Variants in OPN5 observed in about 807,000 individuals in gnomAD.
OPN5 encodes the protein opsin-5.
Under a neutral mutation model 41.7 loss-of-function variants are expected in OPN5, and 18 were observed. That is an observed-to-expected ratio of 0.43 (90% CI 0.30 to 0.64). The LOEUF (loss-of-function observed/expected upper bound fraction) is 0.64, where lower values mean the gene tolerates loss of function less well. Ranked by LOEUF, OPN5 falls within the 30% of genes least tolerant of loss-of-function variation. OPN5 has a pLI of 0.13. For missense variants in OPN5, 318 were observed against 434.5 expected (o/e 0.73, Z 2.38); for synonymous variants, 178 against 164.3 (o/e 1.08, Z -0.64).
chr6:47,800,292 G>C (rs1773718922), intron 4 of OPN5, among the ~76,000 whole-genome samples: 2 of 152,152 alleles, frequency 1.3e-5, no homozygotes, highest in African/African-American at 4.8e-5. Flanking sequence ...TATCTCAAAG[G>C]CTGTTTGGGT....
chr6:47,808,490 A>C (rs1164049576), intron 5 of OPN5, 95 bp downstream of exon 5: 1 of 1,368,938 alleles, frequency 7.3e-7, no homozygotes, highest in Middle Eastern at 2.0e-4. Context: ...CTTAGGGTTA[A>C]AGCTCATCGC....
rs139988934 is a variant in OPN5, at chr6:47,796,109, G to A, written c.756+546G>A. ...AGTACCTTGGTAAACGGTAGTTTCA[G>A]AGGTGACAGTTCTTTAGGTATTGTG... is the stretch of plus-strand genomic sequence containing the variant. On this transcript the variant is annotated intron_variant, in intron 4 of 6. Transcript: ENST00000371211. 2.7e-3 allele frequency among the ~76,000 whole-genome samples: 408 copies of A among 152,226 alleles called. 2 individuals are homozygous for A. Among genetic ancestry groups the A allele is most frequent in the African/African-American group, 9.3e-3 (386 of 41,520 alleles).
At chr6:47,824,022 A>C in exon 7 of OPN5, 1 of 1,535,734 alleles carries the variant, frequency 6.5e-7, no homozygotes, top group Non-Finnish European at 8.8e-7. Flanking sequence ...AGTGCATCTG[A>C]AGTGCTTACA....
At chr6:47,787,953 A>G (rs935828043) in intron 2 of OPN5, among the ~76,000 whole-genome samples, 56 of 152,152 alleles carry the variant, frequency 3.7e-4, no homozygotes, top group African/African-American at 1.3e-3. Context: ...TTTTCTGCCG[A>G]TCTCTAAAAA....
chr6:47,783,080 T>C (rs1773122559), intron 1 of OPN5, among the ~76,000 whole-genome samples: 2 of 152,082 alleles, frequency 1.3e-5, no homozygotes, highest in Non-Finnish European at 2.9e-5. Flanking sequence ...TTGTAAATTT[T>C]TACTTTGTTT....
intron 2 of OPN5, 39 bp from the exon 3 acceptor site, chr6:47,791,761 AAC>A: frequency 6.3e-7 from 1 of 1,596,790 alleles, no homozygotes; most frequent in Non-Finnish European, 8.6e-7. Flanking sequence ...GGGAAATAGT[AAC>A]CAGAGGAACG....
rs969155255 is a variant in OPN5, at chr6:47,794,624, G to C, written c.422-605G>C. ...ATGATGCAACCTACCTAGATTCTCT[G>C]CCTCTCCCGCTGTGGCTGTGTGAGC... On this transcript the variant is annotated intron_variant, in intron 3 of 6. Transcript: ENST00000371211. The C allele has an allele frequency of 1.3e-5, 2 of 152,182 alleles. 1 individual carries two copies. Among genetic ancestry groups the C allele is most frequent in the Non-Finnish European group, 2.9e-5 (2 of 68,044 alleles). The allele number at this position is 152,182 out of a possible 1,614,324, so 9.4% of individuals were successfully genotyped here. A position where few individuals can be genotyped will look rare whatever the true frequency, so the allele number is the denominator to read the frequency against.
chr6:47,782,619 C>G (rs1462013782), intron 1 of OPN5, among the ~76,000 whole-genome samples: 1 of 152,184 alleles, frequency 6.6e-6, no homozygotes, highest in African/African-American at 2.4e-5. Flanking sequence ...GTTCTCACAA[C>G]TGTGCAAAAC....
intron 4 of OPN5, among the ~76,000 whole-genome samples, chr6:47,806,947 C>T (rs571124919): frequency 1.3e-5 from 2 of 152,262 alleles, no homozygotes; most frequent in South Asian, 2.1e-4. Context: ...CACCTAAGGT[C>T]GGGAGTTCGA....
chr6:47,808,369 C>G lies in OPN5; in HGVS notation c.972C>G (p.Thr324=). Residue 324 remains threonine (T), a synonymous_variant, in exon 5 of 7, where the codon ACC becomes ACG. Transcript: ENST00000371211. The stretch of plus-strand genomic sequence containing the variant: ...GCCAAACTGGTGGTTTGAAAGCAAC[C>G]AAGAAGAAGTCTCTGGAAGGCTTCA... 3 of 1,614,024 alleles carry G rather than the reference C, an allele frequency of 1.9e-6. No homozygotes were observed. In the South Asian group the frequency reaches 3.3e-5, roughly 18 times the overall value.
rs563636994 is a variant in OPN5, at chr6:47,796,230, A to G, written c.756+667A>G. Among the ~76,000 whole-genome samples the G allele has an allele frequency of 1.2e-4, 19 of 152,286 alleles. No homozygotes were observed. The South Asian group carries it at 1.7e-3, about 13-fold the overall frequency. Reference sequence around the variant, plus strand: ...AGATATTTAGCTTTCTTGAATCCCTATTTCCTCACTTGCATAACAGGAATA... The same window carrying G: ...AGATATTTAGCTTTCTTGAATCCCTGTTTCCTCACTTGCATAACAGGAATA... On this transcript the variant is annotated intron_variant, in intron 4 of 6. Transcript: ENST00000371211.
At chr6:47,788,561 T>G (rs770435559) in intron 2 of OPN5, among the ~76,000 whole-genome samples, 1 of 152,198 alleles carries the variant, frequency 6.6e-6, no homozygotes, top group Non-Finnish European at 1.5e-5. Flanking sequence ...CCAGATCATT[T>G]TTTTCAACTT....
intron 6 of OPN5, among the ~76,000 whole-genome samples, chr6:47,822,282 T>A (rs973626385): frequency 6.6e-6 from 1 of 152,038 alleles, no homozygotes; most frequent in African/African-American, 2.4e-5. Context: ...AGAGGGTAAT[T>A]AGATTTTGGA....
intron 4 of OPN5, among the ~76,000 whole-genome samples, chr6:47,800,367 A>G (rs1210188191): frequency 6.6e-6 from 1 of 152,104 alleles, no homozygotes; most frequent in African/African-American, 2.4e-5. Flanking sequence ...GAATGAAATC[A>G]TAGGGGGTGG....
chr6:47,809,627 A>G (rs1774115890), intron 5 of OPN5, among the ~76,000 whole-genome samples: 1 of 152,238 alleles, frequency 6.6e-6, no homozygotes. Flanking sequence ...AACAGTAACA[A>G]TACCCATCTC....
At chr6:47,812,656 T>G (rs1297306431) in intron 6 of OPN5, among the ~76,000 whole-genome samples, 1 of 152,140 alleles carries the variant, frequency 6.6e-6, no homozygotes, top group Non-Finnish European at 1.5e-5. Context: ...TCATTGTCTA[T>G]TATCTTTTCT....
chr6:47,801,700 T>C (rs531822744), intron 4 of OPN5, among the ~76,000 whole-genome samples: 6 of 152,326 alleles, frequency 3.9e-5, no homozygotes, highest in Admixed American at 3.9e-4. Context: ...TTGGAACATA[T>C]CACAATTTTT....
chr6:47,817,058 C>A (rs1397473144), intron 6 of OPN5, among the ~76,000 whole-genome samples: 1 of 152,022 alleles, frequency 6.6e-6, no homozygotes, highest in Non-Finnish European at 1.5e-5. Flanking sequence ...AGCTCTGCCA[C>A]AGGAAACTTG....
At chr6:47,814,403 T>A (rs1762369204) in intron 6 of OPN5, among the ~76,000 whole-genome samples, 1 of 152,154 alleles carries the variant, frequency 6.6e-6, no homozygotes, top group African/African-American at 2.4e-5. Context: ...TATAAATGCA[T>A]GTATAAGAAA....
Sources: allele counts gnomAD v4.1 joint callset (sites outside exome capture counted in the v4.1 genomes callset), GRCh38; gene constraint gnomAD v4.1.1; transcripts MANE v1.5; gene names NCBI Gene and HGNC (gene_info 2026-07-23, HGNC 2026-07-21).